The following BCAT1 variants were observed in gnomAD, a reference collection of about 807,000 sequenced individuals.
BCAT1 encodes branched chain amino acid transaminase 1, also known as branched-chain-amino-acid aminotransferase, cytosolic.
BCAT1 carries 48 observed loss-of-function variants against 52.4 expected under a neutral mutation model. The observed-to-expected ratio is 0.92, with a 90% CI of 0.73 to 1.16. BCAT1 has a LOEUF of 1.16. Among genes scored for constraint, BCAT1 ranks in the 50% most tolerant of loss-of-function variants. BCAT1 has a pLI of 0.00. For synonymous variants in BCAT1, 167 were observed against 161.3 expected (o/e 1.04, Z -0.27); for missense variants, 451 against 457.1 (o/e 0.99, Z 0.12).
At chr12:24,864,627 A>G (rs978329392) in intron 5 of BCAT1, among the ~76,000 whole-genome samples, 3 of 152,152 alleles carry the variant, frequency 2.0e-5, no homozygotes, top group African/African-American at 7.2e-5. Flanking sequence ...AATTACTATT[A>G]GCTTAGAGAT....
At chr12:24,843,707 G>C (rs1413181061) in intron 6 of BCAT1, among the ~76,000 whole-genome samples, 1 of 152,010 alleles carries the variant, frequency 6.6e-6, no homozygotes, top group Non-Finnish European at 1.5e-5. Context: ...TTTCTATAGA[G>C]CTATGTCATT....
chr12:24,854,884 C>A (rs1312063954), intron 5 of BCAT1, among the ~76,000 whole-genome samples: 1 of 152,030 alleles, frequency 6.6e-6, no homozygotes, highest in Non-Finnish European at 1.5e-5. Context: ...GATCTCCTTA[C>A]TTTAAGAGAG....
At chr12:24,834,528 T>C in intron 8 of BCAT1, 1 of 975,772 alleles carries the variant, frequency 1.0e-6, no homozygotes, top group Non-Finnish European at 1.2e-6. Flanking sequence ...AATAGAGAGG[T>C]TTAAAAAAAT....
chr12:24,902,367 C>G (rs1943131635), intron 1 of BCAT1: 4 of 1,171,994 alleles, frequency 3.4e-6, no homozygotes, highest in Non-Finnish European at 4.2e-6. Flanking sequence ...CAGCAGGGTC[C>G]TCCGATGCCG....
chr12:24,902,895 A>G (rs1003784045), intron 1 of BCAT1: 22 of 1,515,386 alleles, frequency 1.5e-5, no homozygotes, highest in Non-Finnish European at 1.8e-5. Flanking sequence ...CGAGCTACCG[A>G]GACCCGGGTT....
intron 5 of BCAT1, among the ~76,000 whole-genome samples, chr12:24,861,090 T>C (rs1159323791): frequency 6.6e-6 from 1 of 152,156 alleles, no homozygotes; most frequent in Non-Finnish European, 1.5e-5. Context: ...GAGAGAAAAA[T>C]TATGTTTCAG....
intron 2 of BCAT1, 61 bp from the exon 3 acceptor site, chr12:24,894,536 A>G (rs533232483): frequency 1.5e-6 from 2 of 1,336,182 alleles, no homozygotes; most frequent in African/African-American, 1.5e-5. Flanking sequence ...TGGCTAGATT[A>G]TACAGAGGGG....
chr12:24,880,856 T>A (rs1591834376), intron 4 of BCAT1, among the ~76,000 whole-genome samples: 1 of 151,656 alleles, frequency 6.6e-6, no homozygotes, highest in African/African-American at 2.4e-5. Flanking sequence ...TTTTTTTTTT[T>A]ACAGAGTCTC....
At chr12:24,935,357 C>A (rs759566175) in intron 1 of BCAT1, among the ~76,000 whole-genome samples, 4 of 152,134 alleles carry the variant, frequency 2.6e-5, no homozygotes, top group Non-Finnish European at 5.9e-5. Flanking sequence ...GGAAAGAGAG[C>A]TCTACATGTG....
Position 24,811,489 on chromosome 12 carries a change from C to T in BCAT1, c.*6519G>A, listed in dbSNP as rs946346342. 6 of 152,110 alleles carry T rather than the reference C, an allele frequency of 3.9e-5. No individual in the cohort carries two copies. The highest frequency in any genetic ancestry group is 2.6e-4 in the Admixed American group (4 of 15,272). 9.4% of individuals were successfully genotyped at this position (152,110 alleles called of 1,614,324 possible). A position where few individuals can be genotyped will look rare whatever the true frequency, so the allele number is the denominator to read the frequency against. ...AATTATTCCATGCCCTCTCAACATA[C>T]AAATATAGAGTTCTTCACACCAGAT... is the stretch of plus-strand genomic sequence containing the variant. On this transcript the variant is annotated 3_prime_UTR_variant, in exon 11 of 11. Transcript: ENST00000261192.
At chr12:24,929,405 C>G (rs1199851456) in intron 1 of BCAT1, among the ~76,000 whole-genome samples, 1 of 152,166 alleles carries the variant, frequency 6.6e-6, no homozygotes. Flanking sequence ...AAAATATGAC[C>G]AGAATATGCC....
rs117200620 is a variant in BCAT1 at position 24,818,032 on chromosome 12, G to A, written c.1137C>T (p.Ser379=). The stretch of plus-strand genomic sequence containing the variant: ...TTCAGGATAGCACAATTGTCCAGTC[G>A]CTCTCTTCTCTTCCATACTGCAACA... The part of the protein sequence containing the change: ...LTDIQYGREE[S]DWTIVLS Residue 379 remains serine (S), a synonymous_variant, in exon 11 of 11, where the codon AGC becomes AGT. Transcript: ENST00000261192. 0.013 allele frequency: 20,843 copies of A among 1,612,726 alleles called. 305 individuals are homozygous for A. The highest frequency in any genetic ancestry group is 0.051 in the South Asian group (4,619 of 91,014).
At chr12:24,822,447 T>C (rs1940178430) in intron 10 of BCAT1, among the ~76,000 whole-genome samples, 1 of 152,220 alleles carries the variant, frequency 6.6e-6, no homozygotes, top group Non-Finnish European at 1.5e-5. Flanking sequence ...CAGAGCACTT[T>C]GTAGAAAACA....
chr12:24,823,314 TTCTCACG>T (rs1940226872), intron 10 of BCAT1, among the ~76,000 whole-genome samples: 1 of 152,158 alleles, frequency 6.6e-6, no homozygotes, highest in South Asian at 2.1e-4. Context: ...GCTCAAGCAA[TTCTCACG>T]TCTCAGTCTC....
intron 6 of BCAT1, among the ~76,000 whole-genome samples, chr12:24,847,250 G>A: frequency 6.6e-6 from 1 of 152,132 alleles, no homozygotes; most frequent in East Asian, 1.9e-4. Flanking sequence ...AAACTGAAAG[G>A]CAAGTACAAA....
intron 1 of BCAT1, among the ~76,000 whole-genome samples, chr12:24,917,657 C>T (rs1943439515): frequency 6.6e-6 from 1 of 152,146 alleles, no homozygotes. Context: ...ACTGCATATA[C>T]CATGACATAT....
At chr12:24,902,431 T>C (rs1266065035) in intron 1 of BCAT1, 1 of 1,040,674 alleles carries the variant, frequency 9.6e-7, no homozygotes, top group Non-Finnish European at 1.2e-6. Flanking sequence ...ATTTAAAAGA[T>C]AAAGACACAG....
At chr12:24,938,686 TG>T (rs1256608865) in intron 1 of BCAT1, among the ~76,000 whole-genome samples, 1 of 152,052 alleles carries the variant, frequency 6.6e-6, no homozygotes, top group Non-Finnish European at 1.5e-5. Context: ...CCCAGGAGTA[TG>T]GGGTTGTGTA....
In BCAT1 at chr12:24,849,896, G is replaced by T; in HGVS notation, c.564C>A (p.Ser188Arg). 1 of 1,613,620 alleles carries T rather than the reference G, an allele frequency of 6.2e-7. No individual in the cohort carries two copies. ...CACTTGAAAAATAAGGTCCCACTGG[G>T]CTCAAGAGTACAAAGAGCAGGGCTT... is the stretch of plus-strand genomic sequence containing the variant. ...PTKALLFVLL[S>R]PVGPYFSSGT... The change falls in exon 6 of 11, where the codon AGC becomes AGA. Residue 188 changes from serine to arginine, a missense_variant. Ser to Arg is a moderately radical substitution (Grantham distance 110, BLOSUM62 -1). Transcript: ENST00000261192.
Sources: allele counts gnomAD v4.1 joint callset (sites outside exome capture counted in the v4.1 genomes callset), GRCh38; gene constraint gnomAD v4.1.1; transcripts MANE v1.5; gene names NCBI Gene and HGNC (gene_info 2026-07-23, HGNC 2026-07-21).